The following CROCC variants were observed in gnomAD, a reference collection of about 807,000 sequenced individuals.
The protein encoded by CROCC is rootletin.
In CROCC, 180 loss-of-function variants were observed where a neutral mutation model predicts 245.2. The ratio of observed to expected loss-of-function variants is 0.73; its 90% CI spans 0.65 to 0.83. CROCC has a LOEUF of 0.83. Ranked by LOEUF, CROCC falls within the 40% of genes least tolerant of loss-of-function variation. The pLI is 0.00. For missense variants in CROCC, 2,688 were observed against 2,779.4 expected (o/e 0.97, Z 0.74); for synonymous variants, 1,205 against 1,241.6 (o/e 0.97, Z 0.62).
At chr1:16,917,018 T>G (rs1413934093), upstream of CROCC, among the ~76,000 whole-genome samples, 22 of 152,396 alleles carry the variant, frequency 1.4e-4, no homozygotes, top group African/African-American at 4.8e-4. Context: ...CTCAGGAGGC[T>G]GAGGCAGGAG....
intron 26 of CROCC, 48 bp from the exon 27 acceptor site, chr1:16,960,710 C>T (rs771270893): frequency 3.5e-6 from 5 of 1,435,372 alleles, no homozygotes; most frequent in Non-Finnish European, 2.7e-6. Flanking sequence ...GGTGGGGCGT[C>T]GGGTTGGGAG....
intron 13 of CROCC, among the ~76,000 whole-genome samples, chr1:16,942,207 C>T (rs557746588): frequency 2.0e-4 from 31 of 152,300 alleles, no homozygotes; most frequent in African/African-American, 6.0e-4. Flanking sequence ...GATAGGGTTT[C>T]GCCATGTTGC....
In CROCC at chr1:16,924,306, G is replaced by C. The variant is rs1218092470; in HGVS notation, c.197-19G>C. 4.4e-6 allele frequency: 7 copies of C among 1,607,448 alleles called. No homozygotes were observed. Among genetic ancestry groups the C allele is most frequent in the Non-Finnish European group, 5.9e-6 (7 of 1,177,192 alleles). On this transcript the variant is annotated intron_variant, in intron 2 of 36. Transcript: ENST00000375541. ...CACTGGACCCAGAAGCCAACCATGTGCCCACTGTCCCTTGCCAGTCCTGCT... is the reference window on the plus strand; with the variant it reads ...CACTGGACCCAGAAGCCAACCATGTCCCCACTGTCCCTTGCCAGTCCTGCT...
intron 33 of CROCC, 60 bp downstream of exon 33, chr1:16,969,994 G>T (rs1191617002): frequency 1.3e-6 from 2 of 1,515,614 alleles, no homozygotes; most frequent in Non-Finnish European, 1.8e-6. Flanking sequence ...GATAGGGTGG[G>T]GACGTTCCCA....
intron 27 of CROCC, among the ~76,000 whole-genome samples, chr1:16,961,923 C>G (rs915483664): frequency 6.6e-6 from 1 of 152,128 alleles, no homozygotes; most frequent in Non-Finnish European, 1.5e-5. Flanking sequence ...CTCTTAATGC[C>G]TTTGACTCCT....
rs536652933 is a variant in CROCC at position 16,944,200 on chromosome 1, C to T, written c.1909C>T (p.Arg637Trp). ...GCTGCAGGCTGCCCAGGAGGAGCTG[C>T]GGCGCCAGCGGGACCGGCTGGAGGA... is the stretch of plus-strand genomic sequence containing the variant. ...EKLQAAQEEL[R>W]RQRDRLEEEQ... is the part of the protein sequence containing the mutation. Residue 637 changes from arginine to tryptophan, a missense_variant, in exon 14 of 37, where the codon CGG (arginine) becomes TGG (tryptophan). By Grantham distance (101) the Arg-to-Trp change is moderately radical. Coordinates refer to ENST00000375541, the MANE Select transcript of CROCC (RefSeq NM_014675.5). The T allele has an allele frequency of 8.1e-5, 126 of 1,555,120 alleles. No individual in the cohort carries two copies. Among genetic ancestry groups the T allele is most frequent in the Non-Finnish European group, 1.0e-4 (118 of 1,149,252 alleles).
intron 3 of CROCC, 150 bp downstream of exon 3, chr1:16,924,629 C>T (rs1482334521): frequency 2.8e-5 from 29 of 1,053,918 alleles, no homozygotes; most frequent in East Asian, 5.2e-5. Context: ...CCTTGAGTGG[C>T]GTTGAGCAAA....
rs397834615 is a variant in CROCC, at chr1:16,951,090, G to C, written c.2974G>C (p.Glu992Gln). The change falls in exon 20 of 37, where the codon GAG (glutamate) becomes CAG (glutamine). Residue 992 changes from glutamate to glutamine, a missense_variant. By Grantham distance (29) the Glu-to-Gln change is conservative. Around this residue, in one of 9 missense-constraint regions of CROCC, gnomAD observed 106 missense variants for 126.1 expected, o/e 0.84. Coordinates refer to ENST00000375541, the MANE Select transcript of CROCC (RefSeq NM_014675.5). The stretch of plus-strand genomic sequence containing the variant: ...TCTGCGGGAGCAGCGGGCAGCTCAC[G>C]AGGAGGACTTACAGCGACTCCAGCG... ...ASLREQRAAHEEDLQRLQREK... is the reference protein window; with the variant it reads ...ASLREQRAAHQEDLQRLQREK... 1 of 1,588,168 alleles carries C rather than the reference G, an allele frequency of 6.3e-7. No individual in the cohort carries two copies. Among genetic ancestry groups the C allele is most frequent in the Admixed American group, 1.8e-5 (1 of 54,716 alleles).
intron 32 of CROCC, 49 bp downstream of exon 32, chr1:16,969,389 C>T (rs1456466987): frequency 1.3e-6 from 2 of 1,543,902 alleles, no homozygotes; most frequent in South Asian, 2.3e-5. Context: ...GAGAGTCAGC[C>T]AGTAAGAGCA....
intron 13 of CROCC, among the ~76,000 whole-genome samples, chr1:16,941,596 G>T (rs2075933413): frequency 6.6e-6 from 1 of 152,260 alleles, no homozygotes; most frequent in Admixed American, 6.5e-5. Context: ...GCTGGGCGTG[G>T]TGGCAGGCAC....
intron 3 of CROCC, among the ~76,000 whole-genome samples, chr1:16,928,711 G>A (rs913261665): frequency 2.6e-5 from 4 of 151,958 alleles, no homozygotes; most frequent in East Asian, 1.9e-4. Context: ...ACTGAGGCAG[G>A]AGAATCATTT....
chr1:16,942,305 G>C (rs1485804415), intron 13 of CROCC, among the ~76,000 whole-genome samples: 1 of 152,252 alleles, frequency 6.6e-6, no homozygotes, highest in Non-Finnish European at 1.5e-5. Context: ...GCACCCTGAA[G>C]ATTTTTAAGA....
rs541865170 is a variant in CROCC, at chr1:16,946,667, C to T, written c.2284-94C>T. 2.0e-4 allele frequency: 266 copies of T among 1,343,266 alleles called. No homozygotes were observed. In the East Asian group the frequency reaches 6.5e-3, roughly 33 times the overall value. 83.2% of individuals were successfully genotyped at this position (1,343,266 alleles called of 1,614,324 possible). The stretch of plus-strand genomic sequence containing the variant: ...GTCCCTCATTCCCTGGGAGCCTCCC[C>T]TGGGCTATTGTTGCTGGTGGGTGGG... On this transcript the variant is annotated intron_variant, in intron 16 of 36. Transcript: ENST00000375541.
Position 16,954,601 on chromosome 1 carries a change from G to T in CROCC, c.3322-133G>T. ...AGCACTCACTATGCATCCAGGGGTTGGCAGAGGGTCCGGCAGGCCAGCGGG... is the reference window on the plus strand; with the variant it reads ...AGCACTCACTATGCATCCAGGGGTTTGCAGAGGGTCCGGCAGGCCAGCGGG... On this transcript the variant is annotated intron_variant, in intron 22 of 36. Transcript: ENST00000375541. The surrounding 1 kb of genome is among the most constrained non-coding windows in gnomAD (Gnocchi z 4.4). The T allele has an allele frequency of 7.8e-7, 1 of 1,276,440 alleles. No individual in the cohort carries two copies. Among genetic ancestry groups the T allele is most frequent in the Non-Finnish European group, 1.1e-6 (1 of 939,282 alleles). 79.1% of individuals were successfully genotyped at this position (1,276,440 alleles called of 1,614,324 possible).
intron 8 of CROCC, among the ~76,000 whole-genome samples, chr1:16,934,412 A>G (rs2100387172): frequency 6.6e-6 from 1 of 152,290 alleles, no homozygotes; most frequent in Non-Finnish European, 1.5e-5. Flanking sequence ...TGATCCTCCC[A>G]CCTCAGCCAC....
intron 26 of CROCC, 152 bp downstream of exon 26, chr1:16,958,902 C>T: frequency 3.2e-6 from 3 of 935,080 alleles, no homozygotes; most frequent in Non-Finnish European, 4.8e-6. Flanking sequence ...GTAGTAACAA[C>T]AACCCAAAGA....
intron 27 of CROCC, among the ~76,000 whole-genome samples, chr1:16,961,372 C>T (rs984160781): frequency 2.0e-5 from 3 of 152,004 alleles, no homozygotes; most frequent in African/African-American, 7.2e-5. Context: ...TTCCCGGGCT[C>T]AAGTGGTCCT....
Position 16,946,794 on chromosome 1 carries a change from C to T in CROCC, c.2317C>T (p.Gln773Ter). 1.3e-6 allele frequency: 2 copies of T among 1,552,070 alleles called. No individual in the cohort carries two copies. Among genetic ancestry groups the T allele is most frequent in the Non-Finnish European group, 8.7e-7 (1 of 1,147,356 alleles). Residue 773 changes from glutamine to a stop codon, truncating the protein, a stop_gained, in exon 17 of 37, where the codon CAA (glutamine) becomes TAA (stop). Transcript: ENST00000375541. LOFTEE classifies it high-confidence loss of function. ...EEEKSALQGRQRQAEQEATVA... is the reference protein window; with the variant it reads ...EEEKSALQGR ...AGAAAAGTCCGCCCTGCAGGGCCGG[C>T]AACGGCAGGCAGAGCAGGAGGCCAC...
rs755139226 is a variant in CROCC, at chr1:16,969,923, C to T, written c.5440C>T (p.Gln1814Ter). Residue 1814 changes from glutamine to a stop codon, truncating the protein, a stop_gained, in exon 33 of 37, where the codon CAG becomes TAG. Transcript: ENST00000375541. LOFTEE classifies it high-confidence loss of function. ...QRVEAEGQLQ[Q>*]LREVLRQRQE... The stretch of plus-strand genomic sequence containing the variant: ...GGTGGAGGCCGAGGGCCAGCTACAA[C>T]AGCTACGGGAGGTGAGGGCCAGGGT... The T allele has an allele frequency of 6.3e-7, 1 of 1,596,964 alleles. No homozygotes were observed. The highest frequency in any genetic ancestry group is 8.5e-7 in the Non-Finnish European group (1 of 1,171,140).
Sources: gnomAD v4.1 joint callset for allele counts (sites outside exome capture counted in the v4.1 genomes callset) on GRCh38, gnomAD v4.1.1 for gene constraint, gnomAD v4.1.1 regional missense constraint, Gnocchi (gnomAD v3.1) non-coding constraint, MANE v1.5 for transcripts, NCBI Gene and HGNC (gene_info 2026-07-23, HGNC 2026-07-21) for gene names.